The following RARB variants were observed in gnomAD, a reference collection of about 807,000 sequenced individuals.
RARB encodes retinoic acid receptor beta, also known as HBV-activated protein.
RARB carries 17 observed loss-of-function variants against 51.9 expected under a neutral mutation model. The ratio of observed to expected loss-of-function variants is 0.33; its 90% CI spans 0.22 to 0.49. The LOEUF (loss-of-function observed/expected upper bound fraction) is 0.49. Among genes scored for constraint, RARB ranks in the 20% least tolerant of loss-of-function variants. The pLI is 0.99. For synonymous variants in RARB, 215 were observed against 195.4 expected, an observed-to-expected ratio of 1.10 and a Z score of -0.84; for missense variants, 369 against 550.8, an observed-to-expected ratio of 0.67 and a Z score of 3.30.
At chr3:24,928,136 C>T (rs1695358915) in intron 2 of RARB, among the ~76,000 whole-genome samples, 1 of 151,934 alleles carries the variant, frequency 6.6e-6, no homozygotes, top group South Asian at 2.1e-4. Flanking sequence ...ATTTTGAGGT[C>T]TAAGTGGGTT....
At chr3:25,407,045 AT>A (rs1297701221) in intron 5 of RARB, among the ~76,000 whole-genome samples, 2 of 151,940 alleles carry the variant, frequency 1.3e-5, no homozygotes, top group East Asian at 3.9e-4. Flanking sequence ...CATTTTTCCT[AT>A]TTTTACCACC....
intron 2 of RARB, among the ~76,000 whole-genome samples, chr3:24,973,434 T>G (rs1356085832): frequency 6.6e-6 from 1 of 152,078 alleles, no homozygotes; most frequent in Non-Finnish European, 1.5e-5. Context: ...TGATCAGCAT[T>G]GCTTTGACTA....
intron 2 of RARB, among the ~76,000 whole-genome samples, chr3:24,883,207 A>T (rs1703202709): frequency 6.6e-6 from 1 of 152,198 alleles, no homozygotes; most frequent in Non-Finnish European, 1.5e-5. Context: ...TTCCAACTGA[A>T]GTCAATTGAT....
At chr3:24,958,872 C>T (rs558990673) in intron 2 of RARB, among the ~76,000 whole-genome samples, 15 of 152,230 alleles carry the variant, frequency 9.9e-5, no homozygotes, top group Middle Eastern at 3.4e-3. Flanking sequence ...GGAAATTTTC[C>T]CTGACTCCTT....
intron 5 of RARB, among the ~76,000 whole-genome samples, chr3:25,226,441 G>A (rs1034256466): frequency 6.6e-6 from 1 of 152,122 alleles, no homozygotes; most frequent in Admixed American, 6.6e-5. Flanking sequence ...TTTGAAAAGG[G>A]ACTTAAAATC....
chr3:25,246,673 G>C (rs1218723744), intron 5 of RARB, among the ~76,000 whole-genome samples: 2 of 152,146 alleles, frequency 1.3e-5, no homozygotes, highest in African/African-American at 4.8e-5. Context: ...AAATATTGCT[G>C]TGTGCTCCTC....
chr3:25,038,808 C>T (rs1374152992), intron 2 of RARB, among the ~76,000 whole-genome samples: 3 of 152,092 alleles, frequency 2.0e-5, no homozygotes, highest in African/African-American at 4.8e-5. Flanking sequence ...TTAACTACCA[C>T]CTGGAGCCTT....
chr3:25,248,287 C>T (rs1185019346), intron 5 of RARB, among the ~76,000 whole-genome samples: 1 of 152,112 alleles, frequency 6.6e-6, no homozygotes. Context: ...TTCTTGTAAG[C>T]AGCATATAGG....
chr3:24,951,531 T>C (rs1029121373), intron 2 of RARB, among the ~76,000 whole-genome samples: 1 of 152,182 alleles, frequency 6.6e-6, no homozygotes, highest in African/African-American at 2.4e-5. Flanking sequence ...AAGATTGGTG[T>C]TCCTAGTGAC....
intron 3 of RARB, among the ~76,000 whole-genome samples, chr3:25,060,794 T>C (rs1160056141): frequency 6.6e-6 from 1 of 151,884 alleles, no homozygotes. Flanking sequence ...GCTGGCTTCA[T>C]GAGTAGAGTG....
intron 5 of RARB, among the ~76,000 whole-genome samples, chr3:25,188,250 A>G (rs897263995): frequency 6.6e-6 from 1 of 152,134 alleles, no homozygotes; most frequent in African/African-American, 2.4e-5. Flanking sequence ...CATCTTGCTC[A>G]TCATTGAATA....
intron 2 of RARB, among the ~76,000 whole-genome samples, chr3:24,932,831 C>T (rs549539535): frequency 6.6e-6 from 1 of 152,090 alleles, no homozygotes; most frequent in African/African-American, 2.4e-5. Context: ...CACTGACTTA[C>T]AGAATTCATG....
intron 5 of RARB, among the ~76,000 whole-genome samples, chr3:25,370,175 G>T (rs1479910643): frequency 6.6e-6 from 1 of 152,042 alleles, no homozygotes; most frequent in Non-Finnish European, 1.5e-5. Context: ...TTGTATATAA[G>T]ATTTACAAGG....
rs1700785100 is a variant in RARB, at chr3:25,177,755, G to A, written c.178+3180G>A. On this transcript the variant is annotated intron_variant, in intron 5 of 11. Coordinates refer to the RARB transcript ENST00000383772. ...CATATTGAACTTCTCTAAGCCTACAGCACAATGGCTCCATTCCCACACATA... is the reference window on the plus strand; with the variant it reads ...CATATTGAACTTCTCTAAGCCTACAACACAATGGCTCCATTCCCACACATA... Among the ~76,000 whole-genome samples, 3 of 152,138 alleles carry A rather than the reference G, an allele frequency of 2.0e-5. No homozygotes were observed. In the South Asian group the frequency reaches 6.2e-4, roughly 32 times the overall value.
chr3:25,468,225 G>C (rs1695526147), intron 2 of RARB, among the ~76,000 whole-genome samples: 2 of 152,148 alleles, frequency 1.3e-5, no homozygotes, highest in Admixed American at 1.3e-4. Flanking sequence ...AGACATAAAA[G>C]CAGTGAACCT....
At position 25,597,411 on chromosome 3, in the gene RARB, TAG is replaced by T. The variant is rs1701889074; in HGVS notation, c.*796_*797del. ...TTGTTTAATGACATAACTACACAGT[TAG>T]TTAAAAAAAATTTTTTTACAGTAAT... On this transcript the variant is annotated 3_prime_UTR_variant, in exon 8 of 8. Transcript: ENST00000330688. 1.9e-5 allele frequency: 1 copy of T among 52,242 alleles called. No individual in the cohort carries two copies. Among genetic ancestry groups the T allele is most frequent in the Non-Finnish European group, 3.9e-5 (1 of 25,338 alleles). 3.2% of individuals were successfully genotyped at this position (52,242 alleles called of 1,614,324 possible).
intron 3 of RARB, among the ~76,000 whole-genome samples, chr3:25,502,938 CAAGAAGA>C (rs1214580145): frequency 1.3e-5 from 2 of 152,288 alleles, no homozygotes; most frequent in African/African-American, 4.8e-5. Context: ...TTATATCTGC[CAAGAAGA>C]ACCCATTACA....
intron 5 of RARB, among the ~76,000 whole-genome samples, chr3:25,353,461 A>G (rs1457868657): frequency 1.3e-5 from 2 of 152,082 alleles, no homozygotes; most frequent in East Asian, 3.9e-4. Context: ...ACAGATTCCT[A>G]TGAAGTTTTT....
chr3:24,999,645 G>C (rs1697117044), intron 2 of RARB, among the ~76,000 whole-genome samples: 1 of 152,126 alleles, frequency 6.6e-6, no homozygotes, highest in Non-Finnish European at 1.5e-5. Flanking sequence ...GGCACAATGA[G>C]GATGCTATTA....
Sources: allele counts gnomAD v4.1 joint callset (sites outside exome capture counted in the v4.1 genomes callset), GRCh38; gene constraint gnomAD v4.1.1; transcripts MANE v1.5; gene names NCBI Gene and HGNC (gene_info 2026-07-23, HGNC 2026-07-21).